The following RMDN1 variants were observed in gnomAD, a reference collection of about 807,000 sequenced individuals.
The protein encoded by RMDN1 is regulator of microtubule dynamics protein 1.
RMDN1 carries 48 observed loss-of-function variants against 48.9 expected under a neutral mutation model. That is an observed-to-expected ratio of 0.98 (90% CI 0.78 to 1.25). The LOEUF (loss-of-function observed/expected upper bound fraction) is 1.25. Ranked by LOEUF, RMDN1 falls within the 50% of genes most tolerant of loss-of-function variation. The probability of loss-of-function intolerance (pLI) is 0.00; values close to 1 mark genes in which losing one functional copy is unlikely to be tolerated. For synonymous variants in RMDN1, 148 were observed against 132.6 expected, an observed-to-expected ratio of 1.12 and a Z score of -0.80; for missense variants, 418 against 373.4, an observed-to-expected ratio of 1.12 and a Z score of -0.98.
rs1368055604 is a variant in RMDN1, at chr8:86,474,364, A to T, written c.895-6T>A. 6.3e-7 allele frequency: 1 copy of T among 1,597,520 alleles called. No homozygotes were observed. On this transcript the variant is annotated splice_polypyrimidine_tract_variant and splice_region_variant and intron_variant, in intron 9 of 9. Transcript: ENST00000406452. ...TGAGCAGCTTCTGTCTGTATCTAAA[A>T]TGGAAAAATACATGTTATAAGTAAA...
rs1180387826 is a variant in RMDN1 at position 86,480,166 on chromosome 8, GATA to G, written c.641+108_641+110del. The G allele has an allele frequency of 6.5e-5, 36 of 551,114 alleles. No individual in the cohort carries two copies. The East Asian group carries it at 1.1e-3, about 17-fold the overall frequency. 34.1% of individuals were successfully genotyped at this position (551,114 alleles called of 1,614,324 possible). A position where few individuals can be genotyped will look rare whatever the true frequency, so the allele number is the denominator to read the frequency against. On this transcript the variant is annotated intron_variant, in intron 6 of 9. Coordinates refer to ENST00000406452, the MANE Select transcript of RMDN1 (RefSeq NM_016033.3). ...GGATTTAGCACTCTAAGCTCTGTCA[GATA>G]ATATTTTAAAATATTTAATATCTTT...
chr8:86,484,461 TAATCCCAGCACTTTGA>T (rs918340427), intron 5 of RMDN1, among the ~76,000 whole-genome samples: 2 of 152,082 alleles, frequency 1.3e-5, no homozygotes, highest in Non-Finnish European at 2.9e-5. Context: ...CTCACACCTA[TAATCCCAGCACTTTGA>T]AAGGCCGAGG....
chr8:86,486,421 AATAGAAAAAT>A, intron 4 of RMDN1, 53 bp downstream of exon 4: 2 of 1,176,758 alleles, frequency 1.7e-6, no homozygotes, highest in Non-Finnish European at 2.3e-6. Flanking sequence ...AATCAGAGAT[AATAGAAAAAT>A]ATAGAAAATG....
intron 8 of RMDN1, among the ~76,000 whole-genome samples, chr8:86,476,962 A>C (rs763407945): frequency 1.6e-4 from 25 of 152,142 alleles, no homozygotes; most frequent in Non-Finnish European, 3.4e-4. Context: ...TGGCCTTCCA[A>C]AGTGCTGGGA....
intron 9 of RMDN1, 29 bp downstream of exon 9, chr8:86,474,791 T>C: frequency 6.3e-7 from 1 of 1,593,538 alleles, no homozygotes; most frequent in Non-Finnish European, 8.5e-7. Flanking sequence ...TCAAAACCTT[T>C]CTGCCTTACT....
At chr8:86,502,208 A>C (rs543947667) in intron 2 of RMDN1, among the ~76,000 whole-genome samples, 1 of 152,250 alleles carries the variant, frequency 6.6e-6, no homozygotes, top group South Asian at 2.1e-4. Flanking sequence ...ATTTTGGCTC[A>C]CAATTGGTTT....
At chr8:86,514,272 G>T in exon 1 of RMDN1, 3 of 985,276 alleles carry the variant, frequency 3.0e-6, no homozygotes, top group Non-Finnish European at 3.6e-6. Context: ...TTCAGTAAGC[G>T]ACTGGCCTCC....
rs986929436 is a variant in RMDN1, at chr8:86,472,430, C to T, written c.*1878G>A. 1.6e-5 allele frequency: 11 copies of T among 702,414 alleles called. No homozygotes were observed. The highest frequency in any genetic ancestry group is 1.4e-4 in the African/African-American group (8 of 57,236). 43.5% of individuals were successfully genotyped at this position (702,414 alleles called of 1,614,324 possible). A position where few individuals can be genotyped will look rare whatever the true frequency, so the allele number is the denominator to read the frequency against. On this transcript the variant is annotated 3_prime_UTR_variant, in exon 10 of 10. Coordinates refer to ENST00000406452, the MANE Select transcript of RMDN1 (RefSeq NM_016033.3). ...AAGCCATCCAGCAGAATGCCACATC[C>T]CTAGAAAGACCCACTTCCTGGCCCT...
intron 2 of RMDN1, chr8:86,503,992 C>T: frequency 1.3e-6 from 1 of 774,288 alleles, no homozygotes; most frequent in East Asian, 2.4e-5. Context: ...AGGTTTTATG[C>T]CCATGTACAT....
chr8:86,485,951 ACAATC>A (rs1404986432), intron 4 of RMDN1, among the ~76,000 whole-genome samples: 25 of 152,190 alleles, frequency 1.6e-4, no homozygotes, highest in Admixed American at 1.6e-3. Context: ...ATGAAGTCCA[ACAATC>A]CAGAAGGCTA....
intron 7 of RMDN1, 87 bp from the exon 8 acceptor site, chr8:86,477,411 A>C (rs1207622953): frequency 9.7e-7 from 1 of 1,034,878 alleles, no homozygotes; most frequent in Non-Finnish European, 1.4e-6. Flanking sequence ...ATCTACTGCT[A>C]TATTATATTT....
At chr8:86,479,868 GA>G (rs1338915933) in intron 6 of RMDN1, among the ~76,000 whole-genome samples, 1 of 151,942 alleles carries the variant, frequency 6.6e-6, no homozygotes, top group East Asian at 1.9e-4. Context: ...GTGGACATAA[GA>G]TCACATAAAA....
At chr8:86,511,865 G>T (rs4129535), upstream of RMDN1, among the ~76,000 whole-genome samples, 39,792 of 150,984 alleles carry the variant, frequency 0.26, 6,161 homozygotes, top group East Asian at 0.53. Flanking sequence ...ACAGGATGAG[G>T]TAATTAAAAA....
intron 8 of RMDN1, 113 bp from the exon 9 acceptor site, chr8:86,475,066 G>T: frequency 1.3e-6 from 1 of 773,580 alleles, no homozygotes; most frequent in Non-Finnish European, 2.0e-6. Context: ...TAAGTGATTA[G>T]ACTAATGGGA....
chr8:86,484,802 A>C, intron 5 of RMDN1, 70 bp downstream of exon 5: 1 of 923,090 alleles, frequency 1.1e-6, no homozygotes, highest in Middle Eastern at 3.4e-4. Context: ...AGCAATAGAT[A>C]ATGAAAACAA....
chr8:86,489,808 C>T (rs1458490496), intron 2 of RMDN1, among the ~76,000 whole-genome samples: 3 of 131,488 alleles, frequency 2.3e-5, no homozygotes, highest in Admixed American at 8.6e-5. Flanking sequence ...CCAGCCTGGG[C>T]GATACAGCAA....
intron 2 of RMDN1, among the ~76,000 whole-genome samples, chr8:86,491,004 A>G (rs1361998731): frequency 6.6e-6 from 1 of 152,012 alleles, no homozygotes. Flanking sequence ...TAAAAAAAAA[A>G]GTAGAAATTT....
intron 2 of RMDN1, among the ~76,000 whole-genome samples, chr8:86,496,911 TA>T (rs200669579): frequency 9.1e-5 from 13 of 143,062 alleles, no homozygotes; most frequent in South Asian, 2.2e-4. Flanking sequence ...CTGAACAAAA[TA>T]AAAAAAAAAA....
intron 3 of RMDN1, among the ~76,000 whole-genome samples, chr8:86,488,170 A>G (rs1237860310): frequency 6.6e-6 from 1 of 152,210 alleles, no homozygotes; most frequent in African/African-American, 2.4e-5. Context: ...GGCATGCAAC[A>G]TCCTACATCT....
Sources: gnomAD v4.1 joint callset for allele counts (sites outside exome capture counted in the v4.1 genomes callset) on GRCh38, gnomAD v4.1.1 for gene constraint, MANE v1.5 for transcripts, NCBI Gene and HGNC (gene_info 2026-07-23, HGNC 2026-07-21) for gene names.